GABRA2: variants seen among roughly 807,000 people sequenced by gnomAD.
GABRA2 encodes gamma-aminobutyric acid receptor subunit alpha-2.
In GABRA2, 16 loss-of-function variants were observed where a neutral mutation model predicts 48.7. The ratio of observed to expected loss-of-function variants is 0.33; its 90% CI spans 0.22 to 0.50. The LOEUF (loss-of-function observed/expected upper bound fraction) is 0.50, where lower values mean the gene tolerates loss of function less well. GABRA2 is among the 20% of genes least tolerant of loss of function. The pLI is 0.98. For synonymous variants in GABRA2, 185 were observed against 184.5 expected (o/e 1.00, Z -0.02); for missense variants, 275 against 535.6 (o/e 0.51, Z 4.80).
At chr4:46,311,517 A>T (rs1727642476) in intron 5 of GABRA2, among the ~76,000 whole-genome samples, 1 of 152,166 alleles carries the variant, frequency 6.6e-6, no homozygotes, top group African/African-American at 2.4e-5. Flanking sequence ...TTTTTCTTAC[A>T]TAATACAAGT....
chr4:46,365,273 C>T (rs1713866064), intron 3 of GABRA2: 1 of 151,976 alleles, frequency 6.6e-6, no homozygotes, highest in Non-Finnish European at 1.5e-5. Flanking sequence ...TAGTGTATGA[C>T]AAGAAATACC....
At chr4:46,336,510 T>C (rs1365326904) in intron 3 of GABRA2, among the ~76,000 whole-genome samples, 1 of 152,172 alleles carries the variant, frequency 6.6e-6, no homozygotes, top group African/African-American at 2.4e-5. Flanking sequence ...GCCAAAATAA[T>C]GGTTTACCAG....
intron 9 of GABRA2, among the ~76,000 whole-genome samples, chr4:46,252,901 A>C (rs1386809530): frequency 6.6e-6 from 1 of 151,510 alleles, no homozygotes; most frequent in Non-Finnish European, 1.5e-5. Flanking sequence ...AAACTGTTGT[A>C]ATAAACAAAT....
chr4:46,336,285 G>T (rs1732224658), intron 3 of GABRA2, among the ~76,000 whole-genome samples: 1 of 152,176 alleles, frequency 6.6e-6, no homozygotes, highest in Admixed American at 6.5e-5. Context: ...CCCATCAGTT[G>T]TGAAGGCAGA....
intron 8 of GABRA2, among the ~76,000 whole-genome samples, chr4:46,282,823 A>C (rs960714156): frequency 6.6e-6 from 1 of 152,208 alleles, no homozygotes; most frequent in African/African-American, 2.4e-5. Context: ...CCAGAATTCC[A>C]CTAAGTGGTC....
At chr4:46,310,467 T>C (rs572474273) in intron 5 of GABRA2, among the ~76,000 whole-genome samples, 3 of 152,282 alleles carry the variant, frequency 2.0e-5, no homozygotes, top group African/African-American at 7.2e-5. Context: ...AAATAATAAT[T>C]AAAAATATAC....
intron 8 of GABRA2, among the ~76,000 whole-genome samples, chr4:46,296,892 C>A (rs73131383): frequency 0.084 from 12,714 of 152,138 alleles, 1,740 homozygotes; most frequent in African/African-American, 0.29. Context: ...GTTTTTCATG[C>A]TGTACAAGAT....
At chr4:46,347,356 T>C (rs1356929241) in intron 3 of GABRA2, among the ~76,000 whole-genome samples, 3 of 151,882 alleles carry the variant, frequency 2.0e-5, no homozygotes, top group African/African-American at 4.8e-5. Flanking sequence ...TATAAAGTTA[T>C]AGTAATCAAA....
intron 3 of GABRA2, among the ~76,000 whole-genome samples, chr4:46,348,477 T>C (rs541651273): frequency 6.6e-6 from 1 of 152,038 alleles, no homozygotes; most frequent in East Asian, 1.9e-4. Context: ...CATGCACACA[T>C]ATGTTTATTG....
chr4:46,307,026 C>T (rs1034468649), intron 6 of GABRA2, among the ~76,000 whole-genome samples: 1 of 151,840 alleles, frequency 6.6e-6, no homozygotes, highest in Non-Finnish European at 1.5e-5. Flanking sequence ...ATATAGTCAC[C>T]TACATTCACA....
chr4:46,323,325 A>T (rs1310595014), intron 4 of GABRA2, among the ~76,000 whole-genome samples: 1 of 151,882 alleles, frequency 6.6e-6, no homozygotes, highest in Non-Finnish European at 1.5e-5. Flanking sequence ...ACTAAACTCA[A>T]CAAGCTCTTC....
chr4:46,243,615 G>A lies in GABRA2; in HGVS notation c.*6693C>T, dbSNP rs1449683716. 2.0e-5 allele frequency: 3 copies of A among 151,404 alleles called. No homozygotes were observed. Among genetic ancestry groups the A allele is most frequent in the African/African-American group, 7.3e-5 (3 of 41,358 alleles). 9.4% of individuals were successfully genotyped at this position (151,404 alleles called of 1,614,324 possible). On this transcript the variant is annotated 3_prime_UTR_variant, in exon 10 of 10. Transcript: ENST00000381620. ...CATTAATTTGCATGTGATTAGTTAG[G>A]AATTTTTTAAACAGCAAGCATGACA...
chr4:46,261,699 C>T, intron 9 of GABRA2: 1 of 602,480 alleles, frequency 1.7e-6, no homozygotes, highest in Non-Finnish European at 2.9e-6. Flanking sequence ...AGCACAGTGC[C>T]TGACACATAC....
At chr4:46,385,880 G>T (rs1357249331) in intron 3 of GABRA2, among the ~76,000 whole-genome samples, 194 bp downstream of exon 3, 1 of 151,992 alleles carries the variant, frequency 6.6e-6, no homozygotes, top group East Asian at 1.9e-4. Flanking sequence ...TTCTATGAAA[G>T]ATATGTTAAA....
intron 1 of GABRA2, chr4:46,389,149 AC>A (rs1381097451): frequency 7.1e-6 from 7 of 989,990 alleles, no homozygotes; most frequent in South Asian, 4.6e-5. Flanking sequence ...TCACGCCACA[AC>A]CCCCTCAACC....
rs568610261 is a variant in GABRA2, at chr4:46,246,246, G to A, written c.*4062C>T. Among the ~76,000 whole-genome samples the A allele has an allele frequency of 1.3e-5, 2 of 150,762 alleles. No individual in the cohort carries two copies. The highest frequency in any genetic ancestry group is 4.2e-4 in the South Asian group (2 of 4,786). On this transcript the variant is annotated 3_prime_UTR_variant, in exon 10 of 10. Coordinates refer to ENST00000381620, the MANE Select transcript of GABRA2 (RefSeq NM_000807.4). ...TGTTTCCTGTGGTTTCTTCTTTTCA[G>A]TAATTCTGAGCTCTTAAATACTGAT...
Position 46,247,634 on chromosome 4 carries a change from C to A in GABRA2, c.*2674G>T, listed in dbSNP as rs1422485326. Among the ~76,000 whole-genome samples, 1 of 151,022 alleles carries A rather than the reference C, an allele frequency of 6.6e-6. No individual in the cohort carries two copies. Among genetic ancestry groups the A allele is most frequent in the Non-Finnish European group, 1.5e-5 (1 of 67,434 alleles). Reference sequence around the variant, plus strand: ...TACAACTGCATAAAATAGGTATAATCTTATGGGCCAAAGAGATCAGTGTTA... The same window carrying A: ...TACAACTGCATAAAATAGGTATAATATTATGGGCCAAAGAGATCAGTGTTA... On this transcript the variant is annotated 3_prime_UTR_variant, in exon 10 of 10. Coordinates refer to ENST00000381620, the MANE Select transcript of GABRA2 (RefSeq NM_000807.4).
intron 6 of GABRA2, among the ~76,000 whole-genome samples, chr4:46,308,269 T>C (rs186373161): frequency 1.3e-3 from 193 of 152,156 alleles, no homozygotes; most frequent in African/African-American, 4.4e-3. Context: ...TATGCGGCAA[T>C]AGGAATAAAA....
chr4:46,321,901 G>T (rs914350567), intron 4 of GABRA2, among the ~76,000 whole-genome samples: 5 of 151,956 alleles, frequency 3.3e-5, no homozygotes, highest in Non-Finnish European at 5.9e-5. Context: ...CACAAAGAAT[G>T]CCATTGGAGA....
Sources: gnomAD v4.1 joint callset for allele counts (sites outside exome capture counted in the v4.1 genomes callset) on GRCh38, gnomAD v4.1.1 for gene constraint, MANE v1.5 for transcripts, NCBI Gene and HGNC (gene_info 2026-07-23, HGNC 2026-07-21) for gene names.